The following CIP2A variants were observed in gnomAD, a reference collection of about 807,000 sequenced individuals.
CIP2A encodes the protein protein CIP2A.
In CIP2A, 103 loss-of-function variants were observed where a neutral mutation model predicts 110.9. That is an observed-to-expected ratio of 0.93 (90% CI 0.79 to 1.09). The LOEUF is 1.09. CIP2A is among the 50% of genes least tolerant of loss of function. CIP2A has a pLI of 0.00. For synonymous variants in CIP2A, 381 were observed against 361.6 expected (o/e 1.05, Z -0.61); for missense variants, 1,088 against 1,038.4 (o/e 1.05, Z -0.66).
At chr3:108,574,847 T>G (rs1259566353) in intron 8 of CIP2A, 2 of 153,404 alleles carry the variant, frequency 1.3e-5, no homozygotes, top group Non-Finnish European at 2.9e-5. Context: ...CACACAAATC[T>G]GCAAAATAAG....
chr3:108,564,072 T>TATAA (rs375866408), intron 12 of CIP2A, among the ~76,000 whole-genome samples: 76 of 152,158 alleles, frequency 5.0e-4, no homozygotes, highest in African/African-American at 1.6e-3. Context: ...AATATTAAAA[T>TATAA]ATAAATCCCT....
intron 11 of CIP2A, 145 bp downstream of exon 11, chr3:108,566,352 C>A: frequency 1.7e-6 from 1 of 603,244 alleles, no homozygotes; most frequent in Non-Finnish European, 2.8e-6. Flanking sequence ...AATGAATTTA[C>A]AAAAAATTCA....
chr3:108,589,329 T>C lies in CIP2A; in HGVS notation c.47A>G (p.Gln16Arg). ...CGCCTCTGACTTCACGGCTTTGTAC[T>C]GACTGACAGTCAGGAGCAAGGACTT... ...CLKSLLLTVS[Q>R]YKAVKSEANA... The change falls in exon 1 of 21, where the codon CAG becomes CGG. Residue 16 changes from glutamine (Q) to arginine (R), a missense_variant. Physicochemically the swap from Gln to Arg is conservative, Grantham distance 43 (BLOSUM62 1). Coordinates refer to ENST00000295746, the MANE Select transcript of CIP2A (RefSeq NM_020890.3). 2 of 1,614,000 alleles carry C rather than the reference T, an allele frequency of 1.2e-6. No homozygotes were observed. Among genetic ancestry groups the C allele is most frequent in the Non-Finnish European group, 1.7e-6 (2 of 1,179,908 alleles).
At position 108,557,317 on chromosome 3, in the gene CIP2A, T is replaced by G; in HGVS notation, c.2111A>C (p.Gln704Pro). The G allele has an allele frequency of 6.2e-7, 1 of 1,612,858 alleles. No homozygotes were observed. Among genetic ancestry groups the G allele is most frequent in the Non-Finnish European group, 8.5e-7 (1 of 1,179,154 alleles). Reference sequence around the variant, plus strand: ...TTGAAAGAGATGCTCAATATCACTCTGCGCTCTTTCTGATTCAACTTGCTG... The same window carrying G: ...TTGAAAGAGATGCTCAATATCACTCGGCGCTCTTTCTGATTCAACTTGCTG... ...KAQQVESERA[Q>P]SDIEHLFQHN... is the part of the protein sequence containing the mutation. Residue 704 changes from glutamine to proline, a missense_variant, in exon 17 of 21, where the codon CAG becomes CCG. By Grantham distance (76) the Gln-to-Pro change is moderately conservative. Coordinates refer to ENST00000295746, the MANE Select transcript of CIP2A (RefSeq NM_020890.3).
chr3:108,555,957 C>T (rs769168457), intron 17 of CIP2A, among the ~76,000 whole-genome samples: 1 of 152,110 alleles, frequency 6.6e-6, no homozygotes, highest in Non-Finnish European at 1.5e-5. Flanking sequence ...GCAGTAAAAG[C>T]CTTTTTTTCT....
At chr3:108,585,329 A>C in intron 1 of CIP2A, 117 bp from the exon 2 acceptor site, 5 of 901,420 alleles carry the variant, frequency 5.5e-6, no homozygotes, top group Non-Finnish European at 8.2e-6. Flanking sequence ...CAATTTAAAA[A>C]ATTCACACAT....
chr3:108,577,726 C>T lies in CIP2A; in HGVS notation c.819-1380G>A, dbSNP rs534320784. Among the ~76,000 whole-genome samples the T allele has an allele frequency of 4.6e-5, 7 of 152,130 alleles. No homozygotes were observed. The East Asian group carries it at 7.8e-4, about 17-fold the overall frequency. ...CCAGCCTGGCCAACACGGTGAAACC[C>T]GTTTTCTACTAAAAATACAAAAATT... is the stretch of plus-strand genomic sequence containing the variant. On this transcript the variant is annotated intron_variant, in intron 7 of 20. Transcript: ENST00000295746.
At chr3:108,579,988 AT>A (rs1938808361) in intron 5 of CIP2A, among the ~76,000 whole-genome samples, 1 of 152,238 alleles carries the variant, frequency 6.6e-6, no homozygotes, top group African/African-American at 2.4e-5. Flanking sequence ...TAATTCAATG[AT>A]GGTAAATCAG....
intron 17 of CIP2A, among the ~76,000 whole-genome samples, chr3:108,555,144 T>G (rs1442958026): frequency 5.3e-5 from 8 of 152,306 alleles, no homozygotes; most frequent in Admixed American, 1.3e-4. Context: ...TGTTATCCAC[T>G]TGTCCATTCA....
chr3:108,573,571 G>T (rs13327802), intron 8 of CIP2A, among the ~76,000 whole-genome samples: 1 of 151,000 alleles, frequency 6.6e-6, no homozygotes. Context: ...CTTTAGATTC[G>T]AATACTAGAT....
rs751144231 is a variant in CIP2A, at chr3:108,579,473, A to T, written c.673-47T>A. On this transcript the variant is annotated intron_variant, in intron 6 of 20. Transcript: ENST00000295746. ...GCATATTAGACAAAAAATTAAGTTG[A>T]CACCATCCTAAAAGGTAAAAATAAA... 2.6e-6 allele frequency: 4 copies of T among 1,564,056 alleles called. No homozygotes were observed. The African/African-American group carries it at 5.5e-5, about 22-fold the overall frequency.
intron 20 of CIP2A, 88 bp downstream of exon 20, chr3:108,552,146 G>T: frequency 2.8e-6 from 3 of 1,069,356 alleles, no homozygotes; most frequent in Non-Finnish European, 4.0e-6. Context: ...ATTTGCTGAA[G>T]AAACAGTACA....
In CIP2A at chr3:108,566,414, T is replaced by C. The variant is rs3749276; in HGVS notation, c.1415+83A>G. 992 of 1,032,246 alleles carry C rather than the reference T, an allele frequency of 9.6e-4. 15 individuals are homozygous for C. In the East Asian group the frequency reaches 0.022, roughly 23 times the overall value. 63.9% of individuals were successfully genotyped at this position (1,032,246 alleles called of 1,614,324 possible). ...TATATCTTAAGTTATAACCAAAGGATGGTCCTCCAAAAGGATGAGAATCAC... is the reference window on the plus strand; with the variant it reads ...TATATCTTAAGTTATAACCAAAGGACGGTCCTCCAAAAGGATGAGAATCAC... On this transcript the variant is annotated intron_variant, in intron 11 of 20. Transcript: ENST00000295746.
At chr3:108,575,469 TATATATACAC>T (rs1938560157) in intron 8 of CIP2A, among the ~76,000 whole-genome samples, 1 of 149,512 alleles carries the variant, frequency 6.7e-6, no homozygotes, top group Non-Finnish European at 1.5e-5. Context: ...TACATGTGAG[TATATATACAC>T]ATATATGCAC....
At position 108,550,180 on chromosome 3, in the gene CIP2A, T is replaced by C. The variant is rs2083879232; in HGVS notation, c.*969A>G. The C allele has an allele frequency of 6.6e-6, 1 of 151,678 alleles. No individual in the cohort carries two copies. The highest frequency in any genetic ancestry group is 2.4e-5 in the African/African-American group (1 of 41,426). 9.4% of individuals were successfully genotyped at this position (151,678 alleles called of 1,614,324 possible). ...TTTCTTACAGAGTAGTTAGAGGATA[T>C]GATTCAAATGAAAAGTACAGAAGGA... is the stretch of plus-strand genomic sequence containing the variant. On this transcript the variant is annotated 3_prime_UTR_variant, in exon 21 of 21. Coordinates refer to ENST00000295746, the MANE Select transcript of CIP2A (RefSeq NM_020890.3).
At chr3:108,563,561 T>C (rs148831161) in intron 12 of CIP2A, among the ~76,000 whole-genome samples, 2 of 152,150 alleles carry the variant, frequency 1.3e-5, no homozygotes, top group African/African-American at 2.4e-5. Context: ...ATGTGTAGAA[T>C]TAATGTTTTT....
intron 18 of CIP2A, among the ~76,000 whole-genome samples, chr3:108,553,946 G>A (rs1937695898): frequency 1.4e-5 from 2 of 142,164 alleles, no homozygotes; most frequent in South Asian, 4.5e-4. Context: ...CCAGGCTGGA[G>A]TGCAGTGGCA....
chr3:108,553,313 A>C (rs768983462), intron 19 of CIP2A, among the ~76,000 whole-genome samples: 11 of 151,590 alleles, frequency 7.3e-5, no homozygotes, highest in Non-Finnish European at 1.5e-4. Flanking sequence ...TTTTTTGTAG[A>C]GATGGGGTTT....
intron 13 of CIP2A, 66 bp downstream of exon 13, chr3:108,563,060 G>T: frequency 2.1e-6 from 2 of 960,722 alleles, no homozygotes; most frequent in South Asian, 1.3e-5. Flanking sequence ...CTATACTGAG[G>T]ACTAAAGAGA....
Sources: gnomAD v4.1 joint callset for allele counts (sites outside exome capture counted in the v4.1 genomes callset) on GRCh38, gnomAD v4.1.1 for gene constraint, MANE v1.5 for transcripts, NCBI Gene and HGNC (gene_info 2026-07-23, HGNC 2026-07-21) for gene names.